The following KLF13 variants were observed in gnomAD, a reference collection of about 807,000 sequenced individuals.
The protein encoded by KLF13 is Krueppel-like factor 13.
Under a neutral mutation model 16.7 loss-of-function variants are expected in KLF13, and 8 were observed. The observed-to-expected ratio is 0.48, with a 90% CI of 0.28 to 0.87. The LOEUF (loss-of-function observed/expected upper bound fraction) is 0.87. Ranked by LOEUF, KLF13 falls within the 40% of genes least tolerant of loss-of-function variation. The pLI, the probability that KLF13 is intolerant of heterozygous loss-of-function variation, is 0.10. For synonymous variants in KLF13, 245 were observed against 208.4 expected (o/e 1.18, Z -1.51); for missense variants, 447 against 452.2 (o/e 0.99, Z 0.10).
chr15:31,327,926 C>T (rs2038748151), intron 1 of KLF13, 137 bp downstream of exon 1: 1 of 1,028,002 alleles, frequency 9.7e-7, no homozygotes, highest in South Asian at 4.6e-5. Flanking sequence ...GCCCCTTCCC[C>T]TGCCGCTCCG....
At chr15:31,415,522 A>G (rs1227674633) in intron 1 of KLF13, among the ~76,000 whole-genome samples, 1 of 152,214 alleles carries the variant, frequency 6.6e-6, no homozygotes, top group Non-Finnish European at 1.5e-5. Flanking sequence ...AAATTTTACA[A>G]AACACTCCTG....
At chr15:31,408,160 C>CA (rs1238763312), downstream of KLF13, among the ~76,000 whole-genome samples, 1 of 151,934 alleles carries the variant, frequency 6.6e-6, no homozygotes, top group African/African-American at 2.4e-5. Context: ...AAAACCACCA[C>CA]AAAAAATAAA....
chr15:31,371,951 G>C, intron 1 of KLF13, 59 bp from the exon 2 acceptor site: 2 of 1,520,326 alleles, frequency 1.3e-6, no homozygotes, highest in Non-Finnish European at 1.8e-6. Flanking sequence ...CCCTTCCCCA[G>C]AGAGGGTGTG....
chr15:31,408,009 C>A (rs1276206904), downstream of KLF13, among the ~76,000 whole-genome samples: 1 of 152,110 alleles, frequency 6.6e-6, no homozygotes. Flanking sequence ...TCTATTATTA[C>A]TTAATATATT....
chr15:31,364,571 C>G (rs935217429), intron 1 of KLF13, among the ~76,000 whole-genome samples: 16 of 152,370 alleles, frequency 1.1e-4, no homozygotes, highest in South Asian at 2.1e-4. Context: ...CAGGCATGTG[C>G]CCCACGTATT....
chr15:31,406,821 C>T (rs2040135269), downstream of KLF13, among the ~76,000 whole-genome samples: 1 of 152,168 alleles, frequency 6.6e-6, no homozygotes, highest in South Asian at 2.1e-4. Flanking sequence ...CTCCCTCTGA[C>T]TCTGACTCCT....
intron 1 of KLF13, among the ~76,000 whole-genome samples, chr15:31,357,456 CGGT>C (rs1380202038): frequency 6.6e-6 from 1 of 152,222 alleles, no homozygotes; most frequent in Non-Finnish European, 1.5e-5. Flanking sequence ...GGCTCAGCGA[CGGT>C]GGCCTCCTGT....
At chr15:31,431,533 C>G (rs963601906) in intron 1 of KLF13, among the ~76,000 whole-genome samples, 3 of 152,082 alleles carry the variant, frequency 2.0e-5, no homozygotes, top group Non-Finnish European at 4.4e-5. Flanking sequence ...GGCGTGCTCT[C>G]GGCTCACTGC....
At chr15:31,331,757 G>A (rs957179898) in intron 1 of KLF13, among the ~76,000 whole-genome samples, 2 of 152,202 alleles carry the variant, frequency 1.3e-5, no homozygotes, top group Admixed American at 6.5e-5. Flanking sequence ...TGCAGCATGG[G>A]AGGTGCCAGC....
downstream of KLF13, among the ~76,000 whole-genome samples, chr15:31,407,017 A>C (rs2140998336): frequency 6.6e-6 from 1 of 152,332 alleles, no homozygotes; most frequent in African/African-American, 2.4e-5. Flanking sequence ...TCCATGTGAG[A>C]TAACATATTC....
chr15:31,405,164 C>T (rs7169573), downstream of KLF13, among the ~76,000 whole-genome samples: 2 of 151,966 alleles, frequency 1.3e-5, no homozygotes. Flanking sequence ...CCTTAGAAAA[C>T]AAGAGCCTGC....
At chr15:31,425,809 G>A (rs761424313) in intron 1 of KLF13, among the ~76,000 whole-genome samples, 21 of 152,232 alleles carry the variant, frequency 1.4e-4, no homozygotes, top group South Asian at 4.2e-4. Context: ...TCCAGGAGGC[G>A]GAGGTTGCAG....
At chr15:31,369,524 G>C (rs1484737443) in intron 1 of KLF13, among the ~76,000 whole-genome samples, 1 of 152,120 alleles carries the variant, frequency 6.6e-6, no homozygotes, top group African/African-American at 2.4e-5. Flanking sequence ...ATTTTTCCTG[G>C]AGTTTCTAAT....
At chr15:31,384,527 C>T (rs1243918055) in intron 1 of KLF13, among the ~76,000 whole-genome samples, 2 of 152,176 alleles carry the variant, frequency 1.3e-5, no homozygotes, top group East Asian at 3.9e-4. Context: ...TTTTTGTATG[C>T]TCTCTAAATT....
rs2038927593 is a variant in KLF13 at position 31,336,203 on chromosome 15, T to A, written c.577+8414T>A. ...TTTTGGAGCACTGGCAGCTAATGCT[T>A]GGGGGGGCCACCATCCTTTCCCGGT... On this transcript the variant is annotated intron_variant, in intron 1 of 1. Transcript: ENST00000307145. Among the ~76,000 whole-genome samples the A allele has an allele frequency of 2.6e-5, 4 of 152,094 alleles. No individual in the cohort carries two copies. The South Asian group carries it at 8.3e-4, about 32-fold the overall frequency.
At chr15:31,393,403 ACCCCGTCACCCCCGGCCCGTCCCCC>A (rs1432141480) in intron 1 of KLF13, 1 of 148,720 alleles carries the variant, frequency 6.7e-6, no homozygotes, top group Non-Finnish European at 1.5e-5. Context: ...AAGAGTACCT[ACCCCGTCACCCCCGGCCCGTCCCCC>A]CCCCGTCCCC....
chr15:31,351,422 ATCCTGTTAGGC>A (rs1347953045), intron 1 of KLF13, among the ~76,000 whole-genome samples: 1 of 152,012 alleles, frequency 6.6e-6, no homozygotes, highest in Non-Finnish European at 1.5e-5. Context: ...CTGCTTTAAC[ATCCTGTTAGGC>A]TCATAACCCC....
intron 1 of KLF13, chr15:31,435,296 G>A (rs1338516274): frequency 2.0e-5 from 3 of 152,160 alleles, no homozygotes; most frequent in Non-Finnish European, 4.4e-5. Context: ...TCTCGCTAGG[G>A]TCATGCTTAG....
At chr15:31,430,739 T>G (rs1216232937) in intron 1 of KLF13, among the ~76,000 whole-genome samples, 1 of 152,192 alleles carries the variant, frequency 6.6e-6, no homozygotes, top group Non-Finnish European at 1.5e-5. Context: ...AGAAGATATC[T>G]AAATGGCCAA....
Sources: allele counts gnomAD v4.1 joint callset (sites outside exome capture counted in the v4.1 genomes callset), GRCh38; gene constraint gnomAD v4.1.1; transcripts MANE v1.5; gene names NCBI Gene and HGNC (gene_info 2026-07-23, HGNC 2026-07-21).